Variants in PPFIBP1 observed in about 807,000 individuals in gnomAD.
PPFIBP1 encodes the protein liprin-beta-1.
A neutral mutation model predicts 137.8 loss-of-function variants in PPFIBP1; 112 were observed. That is an observed-to-expected ratio of 0.81 (90% CI 0.70 to 0.95). The LOEUF is 0.95. PPFIBP1 is among the 40% of genes least tolerant of loss of function. PPFIBP1 has a pLI of 0.00. For synonymous variants in PPFIBP1, 378 were observed against 417.3 expected (o/e 0.91, Z 1.15); for missense variants, 1,083 against 1,196.6 (o/e 0.91, Z 1.40).
intron 1 of PPFIBP1, among the ~76,000 whole-genome samples, chr12:27,558,107 T>C (rs1323357031): frequency 6.6e-6 from 1 of 152,216 alleles, no homozygotes; most frequent in Admixed American, 6.5e-5. Flanking sequence ...CTTAGGACTT[T>C]TGTAATGCAG....
chr12:27,602,171 G>A (rs1565851944), intron 2 of PPFIBP1, among the ~76,000 whole-genome samples: 1 of 152,188 alleles, frequency 6.6e-6, no homozygotes, highest in Non-Finnish European at 1.5e-5. Context: ...TCAGGATTGG[G>A]CTAACTTTCT....
chr12:27,536,774 AG>A (rs1326649865), intron 1 of PPFIBP1, among the ~76,000 whole-genome samples: 2 of 152,186 alleles, frequency 1.3e-5, no homozygotes, highest in Non-Finnish European at 2.9e-5. Flanking sequence ...ATCATTCTCA[AG>A]ATGGTGACAG....
At chr12:27,573,937 G>T (rs1380801861) in intron 1 of PPFIBP1, among the ~76,000 whole-genome samples, 1 of 149,904 alleles carries the variant, frequency 6.7e-6, no homozygotes, top group Non-Finnish European at 1.5e-5. Flanking sequence ...AGTTGTGATT[G>T]TACCACTGCA....
chr12:27,648,112 CCATAG>C (rs1565937185), intron 6 of PPFIBP1: 1 of 398,598 alleles, frequency 2.5e-6, no homozygotes, highest in Non-Finnish European at 4.4e-6. Context: ...TTCCTCTCAC[CCATAG>C]CATGTGTTTT....
chr12:27,686,947 T>C (rs965600534), intron 24 of PPFIBP1, among the ~76,000 whole-genome samples: 3 of 152,226 alleles, frequency 2.0e-5, no homozygotes, highest in East Asian at 3.9e-4. Context: ...CTCTTCACTA[T>C]CTGCTGAAAG....
At chr12:27,565,984 C>T (rs569693674) in intron 1 of PPFIBP1, among the ~76,000 whole-genome samples, 12 of 142,520 alleles carry the variant, frequency 8.4e-5, no homozygotes, top group Non-Finnish European at 1.9e-4. Context: ...AGTATTTCAT[C>T]TGCCCATCTC....
intron 1 of PPFIBP1, among the ~76,000 whole-genome samples, chr12:27,531,538 G>A (rs1322037095): frequency 6.6e-6 from 1 of 151,438 alleles, no homozygotes; most frequent in Non-Finnish European, 1.5e-5. Flanking sequence ...CCTGATCTCA[G>A]ATGATCTGCT....
chr12:27,686,657 G>A (rs2061219234), intron 24 of PPFIBP1, among the ~76,000 whole-genome samples: 1 of 152,090 alleles, frequency 6.6e-6, no homozygotes, highest in African/African-American at 2.4e-5. Context: ...AAATAATTTA[G>A]AACTAGAGAA....
At chr12:27,688,894 G>A (rs1031838365) in intron 26 of PPFIBP1, 121 bp from the exon 27 acceptor site, 7 of 870,954 alleles carry the variant, frequency 8.0e-6, no homozygotes, top group Non-Finnish European at 5.2e-6. Context: ...CTACCTCACC[G>A]GGCTGTTGAG....
At chr12:27,688,933 G>T in intron 26 of PPFIBP1, 82 bp from the exon 27 acceptor site, 1 of 1,419,716 alleles carries the variant, frequency 7.0e-7, no homozygotes. Context: ...CTAAGAGAAA[G>T]CTTTGCAAAT....
chr12:27,558,921 G>A (rs1375764706), intron 1 of PPFIBP1, among the ~76,000 whole-genome samples: 3 of 152,010 alleles, frequency 2.0e-5, no homozygotes, highest in Admixed American at 2.0e-4. Flanking sequence ...GGAGTGCAGT[G>A]GCGTGACCAC....
chr12:27,611,759 G>A (rs2055135346), intron 2 of PPFIBP1, among the ~76,000 whole-genome samples: 1 of 150,812 alleles, frequency 6.6e-6, no homozygotes, highest in Non-Finnish European at 1.5e-5. Flanking sequence ...AGAGGGCCAT[G>A]GTATTGGTTC....
intron 9 of PPFIBP1, among the ~76,000 whole-genome samples, chr12:27,657,615 A>G (rs571229801): frequency 5.3e-5 from 8 of 152,114 alleles, no homozygotes; most frequent in Non-Finnish European, 1.2e-4. Flanking sequence ...TCTTGGCTCT[A>G]GAATACCATG....
chr12:27,688,912 T>C (rs900119622), intron 26 of PPFIBP1, 103 bp from the exon 27 acceptor site: 34 of 1,123,576 alleles, frequency 3.0e-5, no homozygotes, highest in Non-Finnish European at 4.1e-5. Context: ...GAGAGGATCA[T>C]TGGAGATAAC....
chr12:27,648,596 C>T (rs2058687908), intron 6 of PPFIBP1, among the ~76,000 whole-genome samples: 1 of 152,138 alleles, frequency 6.6e-6, no homozygotes, highest in African/African-American at 2.4e-5. Context: ...TTGGAAGCAA[C>T]TTAAATGTCC....
chr12:27,567,059 C>CT (rs2049739117), intron 1 of PPFIBP1, among the ~76,000 whole-genome samples: 1 of 152,174 alleles, frequency 6.6e-6, no homozygotes, highest in Admixed American at 6.5e-5. Flanking sequence ...TTTGTTCTGT[C>CT]TGTCTTTCTA....
At chr12:27,674,987 T>C (rs1565991868) in intron 17 of PPFIBP1, among the ~76,000 whole-genome samples, 1 of 151,436 alleles carries the variant, frequency 6.6e-6, no homozygotes, top group Admixed American at 6.6e-5. Flanking sequence ...TGTTTTTTTT[T>C]TTCGTTTGTT....
chr12:27,610,463 G>C (rs1377557999), intron 2 of PPFIBP1, among the ~76,000 whole-genome samples: 1 of 152,168 alleles, frequency 6.6e-6, no homozygotes, highest in South Asian at 2.1e-4. Context: ...AGCACTTAAA[G>C]CGCCCAGACT....
At chr12:27,530,614 C>T (rs1944309895) in intron 1 of PPFIBP1, among the ~76,000 whole-genome samples, 1 of 152,180 alleles carries the variant, frequency 6.6e-6, no homozygotes, top group Admixed American at 6.5e-5. Context: ...GATATCCATT[C>T]CCCCCTCCTT....
Sources: gnomAD v4.1 joint callset for allele counts (sites outside exome capture counted in the v4.1 genomes callset) on GRCh38, gnomAD v4.1.1 for gene constraint, MANE v1.5 for transcripts, NCBI Gene and HGNC (gene_info 2026-07-23, HGNC 2026-07-21) for gene names.